The following ASIC2 variants were observed in gnomAD, a reference collection of about 807,000 sequenced individuals.
ASIC2 encodes acid-sensing ion channel 2.
In ASIC2, 25 loss-of-function variants were observed where a neutral mutation model predicts 57.3. The ratio of observed to expected loss-of-function variants is 0.44; its 90% CI spans 0.32 to 0.61. The LOEUF is 0.61. ASIC2 is among the 20% of genes least tolerant of loss of function. ASIC2 has a pLI of 0.06. For synonymous variants in ASIC2, 319 were observed against 307.5 expected (o/e 1.04, Z -0.39); for missense variants, 641 against 738.1 (o/e 0.87, Z 1.52).
chr17:33,291,507 G>C lies in ASIC2; in HGVS notation c.609C>G (p.Ile203Met). The C allele has an allele frequency of 6.2e-7, 1 of 1,612,738 alleles. No homozygotes were observed. Among genetic ancestry groups the C allele is most frequent in the Non-Finnish European group, 8.5e-7 (1 of 1,179,788 alleles). ...CCAGGCGGTCCATGAAGGCGGCGCT[G>C]ATTCCCTCGAAGTGGCGCGGAGGCA... ...LFLPPRHFEGISAAFMDRLGH... is the reference protein window; with the variant it reads ...LFLPPRHFEGMSAAFMDRLGH... Residue 203 changes from isoleucine to methionine, a missense_variant, in exon 1 of 10, where the codon ATC becomes ATG. By Grantham distance (10) the Ile-to-Met change is conservative. Around this residue, in one of 3 missense-constraint regions of ASIC2, gnomAD observed 382 missense variants for 398.0 expected, o/e 0.96. Coordinates refer to ENST00000225823, the MANE Select transcript of ASIC2 (RefSeq NM_183377.2).
At chr17:33,280,628 A>G (rs1280439414) in intron 1 of ASIC2, among the ~76,000 whole-genome samples, 1 of 152,246 alleles carries the variant, frequency 6.6e-6, no homozygotes, top group East Asian at 1.9e-4. Context: ...CTGACAGGTC[A>G]TAAGCATTTA....
At chr17:33,613,557 C>T (rs1302053567) in intron 1 of ASIC2, among the ~76,000 whole-genome samples, 3 of 151,730 alleles carry the variant, frequency 2.0e-5, no homozygotes, top group African/African-American at 4.8e-5. Flanking sequence ...CTCGTAGAGA[C>T]GGGTTTTCAC....
intron 1 of ASIC2, among the ~76,000 whole-genome samples, chr17:33,593,156 C>T (rs927837416): frequency 3.9e-5 from 6 of 152,276 alleles, no homozygotes; most frequent in East Asian, 1.9e-4. Flanking sequence ...GAGATGAGGA[C>T]GGAGAAAGGT....
At chr17:33,550,872 G>A (rs1915731011) in intron 1 of ASIC2, among the ~76,000 whole-genome samples, 1 of 152,138 alleles carries the variant, frequency 6.6e-6, no homozygotes. Flanking sequence ...TGGTGGAGAG[G>A]AGACTACATT....
chr17:33,918,728 T>C (rs564122114), intron 1 of ASIC2, among the ~76,000 whole-genome samples: 2 of 152,302 alleles, frequency 1.3e-5, no homozygotes, highest in East Asian at 3.9e-4. Flanking sequence ...GAAACAGGAT[T>C]CTAGTTTTTA....
At chr17:33,043,345 A>G (rs1417554764) in intron 3 of ASIC2, among the ~76,000 whole-genome samples, 1 of 152,252 alleles carries the variant, frequency 6.6e-6, no homozygotes, top group East Asian at 1.9e-4. Context: ...GTCAGGGGAC[A>G]TCCTAATCTT....
chr17:34,072,940 C>T (rs1909476752), intron 1 of ASIC2, among the ~76,000 whole-genome samples: 1 of 151,920 alleles, frequency 6.6e-6, no homozygotes. Flanking sequence ...TTTGTAATTT[C>T]AAAGAGAGGT....
At chr17:33,514,352 T>A (rs900294059) in intron 1 of ASIC2, among the ~76,000 whole-genome samples, 6 of 151,986 alleles carry the variant, frequency 3.9e-5, no homozygotes, top group African/African-American at 1.5e-4. Flanking sequence ...GCCTTGCTGA[T>A]CCTCTCCTTC....
At chr17:33,453,152 A>C (rs918569020) in intron 1 of ASIC2, among the ~76,000 whole-genome samples, 1 of 151,868 alleles carries the variant, frequency 6.6e-6, no homozygotes, top group African/African-American at 2.4e-5. Flanking sequence ...GTATGTGTAC[A>C]TGTTTGTGGG....
chr17:33,586,383 T>G (rs1904633715), intron 1 of ASIC2, among the ~76,000 whole-genome samples: 1 of 152,180 alleles, frequency 6.6e-6, no homozygotes, highest in Non-Finnish European at 1.5e-5. Flanking sequence ...AATAGCTTCC[T>G]AACTAGCATC....
At chr17:33,680,448 C>G (rs936066865) in intron 1 of ASIC2, 2 of 151,994 alleles carry the variant, frequency 1.3e-5, no homozygotes, top group African/African-American at 4.8e-5. Context: ...GGGGTGGCCT[C>G]CCCAGGGAGG....
At chr17:33,298,685 A>ACT (rs1469111368) in intron 1 of ASIC2, among the ~76,000 whole-genome samples, 3 of 152,176 alleles carry the variant, frequency 2.0e-5, no homozygotes, top group Non-Finnish European at 4.4e-5. Context: ...TGTCTTCCAC[A>ACT]ATGGTTGAAC....
chr17:33,151,205 G>GCACA (rs796468433), intron 1 of ASIC2, among the ~76,000 whole-genome samples: 2,784 of 145,972 alleles, frequency 0.019, 41 homozygotes, highest in South Asian at 0.041. Flanking sequence ...ACACACGCGC[G>GCACA]CACACACACA....
chr17:33,265,541 T>A (rs1164744240), intron 1 of ASIC2, among the ~76,000 whole-genome samples: 1 of 152,034 alleles, frequency 6.6e-6, no homozygotes, highest in East Asian at 1.9e-4. Flanking sequence ...TCAGGATAAA[T>A]AGCTAATGCA....
rs118086535 is a variant in ASIC2 at position 33,457,761 on chromosome 17, T to C, written c.556-345694A>G. On this transcript the variant is annotated intron_variant, in intron 1 of 9. Transcript: ENST00000359872. ...CTGGCCAAGGGCTTTGCATGCATTG[T>C]CTTATTTAATTCTTACTGGAGCCTT... is the stretch of plus-strand genomic sequence containing the variant. Among the ~76,000 whole-genome samples the C allele has an allele frequency of 7.8e-3, 1,191 of 152,324 alleles. 10 individuals carry two copies. The highest frequency in any genetic ancestry group is 0.011 in the Non-Finnish European group (776 of 68,040).
intron 1 of ASIC2, among the ~76,000 whole-genome samples, chr17:34,086,240 C>T (rs1436777160): frequency 2.0e-5 from 3 of 150,850 alleles, no homozygotes; most frequent in African/African-American, 2.4e-5. Context: ...TATGTTGTGT[C>T]TTTGTTCTCG....
chr17:33,401,039 C>G (rs992080821), intron 1 of ASIC2, among the ~76,000 whole-genome samples: 1 of 152,182 alleles, frequency 6.6e-6, no homozygotes, highest in African/African-American at 2.4e-5. Context: ...GGGGCCCAGG[C>G]TGACAGAGAG....
rs569168141 is a variant in ASIC2 at position 33,595,078 on chromosome 17, T to A, written c.556-483011A>T. The stretch of plus-strand genomic sequence containing the variant: ...CTACTAAAAATTCAAACAAAAAAAT[T>A]AGCTGGGCTTGGCGGCAAGTACCTG... On this transcript the variant is annotated intron_variant, in intron 1 of 9. Transcript: ENST00000359872. 5.9e-4 allele frequency among the ~76,000 whole-genome samples: 89 copies of A among 151,674 alleles called. 1 individual carries two copies. The highest frequency in any genetic ancestry group is 3.4e-3 in the Middle Eastern group (1 of 292).
chr17:33,263,014 C>T (rs1213198651), intron 1 of ASIC2, among the ~76,000 whole-genome samples: 1 of 152,186 alleles, frequency 6.6e-6, no homozygotes, highest in African/African-American at 2.4e-5. Context: ...TGGATGTTTG[C>T]TCCGTAAATG....
Sources: gnomAD v4.1 joint callset for allele counts (sites outside exome capture counted in the v4.1 genomes callset) on GRCh38, gnomAD v4.1.1 for gene constraint, gnomAD v4.1.1 regional missense constraint, MANE v1.5 for transcripts, NCBI Gene and HGNC (gene_info 2026-07-23, HGNC 2026-07-21) for gene names.